The following PRR16 variants were observed in gnomAD, a reference collection of about 807,000 sequenced individuals.
PRR16 encodes protein Largen.
A neutral mutation model predicts 18.2 loss-of-function variants in PRR16; 6 were observed. The ratio of observed to expected loss-of-function variants is 0.33; its 90% confidence interval spans 0.18 to 0.65. The LOEUF is 0.65. Ranked by LOEUF, PRR16 falls within the 30% of genes least tolerant of loss-of-function variation. The pLI, the probability that PRR16 is intolerant of heterozygous loss-of-function variation, is 0.74. For missense variants in PRR16, 412 were observed against 376.6 expected, an observed-to-expected ratio of 1.09 and a Z score of -0.78; for synonymous variants, 151 against 147.8, an observed-to-expected ratio of 1.02 and a Z score of -0.16.
At chr5:120,754,282 A>AAAAT in the PRR16 span, among the ~76,000 whole-genome samples, 6 of 94,790 alleles carry the variant, frequency 6.3e-5, no homozygotes, top group African/African-American at 2.7e-4. Flanking sequence ...AATAATATAT[A>AAAAT]AATATATAAT....
chr5:120,698,538 G>A, the PRR16 span, among the ~76,000 whole-genome samples: 1 of 119,686 alleles, frequency 8.4e-6, no homozygotes, highest in African/African-American at 3.3e-5. Context: ...GCATGTATGA[G>A]TAGTTGAGAA....
At chr5:120,649,856 A>G (rs1755715311) in intron 1 of PRR16, among the ~76,000 whole-genome samples, 1 of 152,126 alleles carries the variant, frequency 6.6e-6, no homozygotes, top group South Asian at 2.1e-4. Context: ...ATTAAATTAT[A>G]TAACTTATAT....
chr5:120,627,764 C>A (rs940408403), intron 1 of PRR16, among the ~76,000 whole-genome samples: 1 of 152,066 alleles, frequency 6.6e-6, no homozygotes, highest in African/African-American at 2.4e-5. Flanking sequence ...ATTCTTCCCC[C>A]AAAATATTCT....
the PRR16 span, among the ~76,000 whole-genome samples, chr5:120,763,175 C>T: frequency 3.6e-4 from 54 of 151,628 alleles, no homozygotes; most frequent in African/African-American, 1.2e-3. Flanking sequence ...GAGGCAGTGT[C>T]TCACTCTGTC....
At chr5:120,779,573 C>A in the PRR16 span, among the ~76,000 whole-genome samples, 3 of 151,952 alleles carry the variant, frequency 2.0e-5, no homozygotes, top group East Asian at 5.8e-4. Context: ...TTTCTGTGTT[C>A]GTGCAAAATG....
intron 1 of PRR16, among the ~76,000 whole-genome samples, chr5:120,615,486 GT>G (rs1235700041): frequency 6.8e-6 from 1 of 147,128 alleles, no homozygotes; most frequent in Non-Finnish European, 1.5e-5. Context: ...AGAAAATAGT[GT>G]TTGCCATTTT....
chr5:120,628,019 A>G (rs1050071376), intron 1 of PRR16, among the ~76,000 whole-genome samples: 2 of 152,026 alleles, frequency 1.3e-5, no homozygotes, highest in African/African-American at 4.8e-5. Flanking sequence ...TGGTGAATGT[A>G]TTGCTTCTTT....
chr5:120,490,760 GT>G (rs58940487), intron 1 of PRR16, among the ~76,000 whole-genome samples: 149,437 of 152,200 alleles, frequency 0.98, 73,368 homozygotes, highest in East Asian at 1. Context: ...TTTCTGCTCT[GT>G]TTTTTTCCCC....
chr5:120,649,812 G>C (rs921163815), intron 1 of PRR16, among the ~76,000 whole-genome samples: 8 of 151,936 alleles, frequency 5.3e-5, no homozygotes, highest in Non-Finnish European at 8.8e-5. Context: ...GTAGTATCTT[G>C]CTTATTATAT....
intron 1 of PRR16, among the ~76,000 whole-genome samples, chr5:120,578,367 T>C (rs1359184838): frequency 1.3e-5 from 2 of 152,100 alleles, no homozygotes; most frequent in African/African-American, 4.8e-5. Context: ...TTGCTGCACC[T>C]ATTGACCTGT....
At chr5:120,608,260 T>C (rs1754221174) in intron 1 of PRR16, among the ~76,000 whole-genome samples, 1 of 152,296 alleles carries the variant, frequency 6.6e-6, no homozygotes, top group Non-Finnish European at 1.5e-5. Context: ...TTTTCGTTGC[T>C]CTTGGCCTTT....
chr5:120,791,596 T>TATCTATCTA, the PRR16 span, among the ~76,000 whole-genome samples: 3 of 71,154 alleles, frequency 4.2e-5, no homozygotes, highest in Non-Finnish European at 1.1e-4. Context: ...TCTATCTATC[T>TATCTATCTA]ATCTATCTAT....
intron 1 of PRR16, among the ~76,000 whole-genome samples, chr5:120,518,543 A>T (rs914450468): frequency 5.3e-5 from 8 of 151,314 alleles, no homozygotes; most frequent in African/African-American, 1.9e-4. Context: ...TTGTGAGTTG[A>T]AAGGCTATCC....
chr5:120,712,116 C>A, the PRR16 span, among the ~76,000 whole-genome samples: 4 of 152,082 alleles, frequency 2.6e-5, no homozygotes, highest in African/African-American at 9.7e-5. Context: ...TTGAGGTATA[C>A]AACATGATGT....
chr5:120,663,765 C>T (rs188760154), intron 1 of PRR16, among the ~76,000 whole-genome samples: 43 of 152,162 alleles, frequency 2.8e-4, no homozygotes, highest in Admixed American at 5.2e-4. Context: ...TTCCTTTAGA[C>T]AGTTGAGTCT....
intron 1 of PRR16, among the ~76,000 whole-genome samples, chr5:120,597,165 A>G (rs1257347202): frequency 6.6e-6 from 1 of 151,660 alleles, no homozygotes; most frequent in Non-Finnish European, 1.5e-5. Flanking sequence ...ACATTGATTT[A>G]TAGAAGACTT....
the PRR16 span, among the ~76,000 whole-genome samples, chr5:120,716,176 A>G: frequency 6.6e-6 from 1 of 152,128 alleles, no homozygotes; most frequent in African/African-American, 2.4e-5. Context: ...ACATATATTT[A>G]TTGGGGTCTT....
At chr5:120,712,766 C>T in the PRR16 span, among the ~76,000 whole-genome samples, 1 of 152,042 alleles carries the variant, frequency 6.6e-6, no homozygotes, top group African/African-American at 2.4e-5. Context: ...ATCAAAACCA[C>T]AATGAGTTAT....
At chr5:120,480,193 T>C in intron 1 of PRR16, among the ~76,000 whole-genome samples, 1 of 152,164 alleles carries the variant, frequency 6.6e-6, no homozygotes, top group East Asian at 1.9e-4. Context: ...GAGAATTGCT[T>C]GAACCTGGGA....
Sources: gnomAD v4.1 joint callset for allele counts (sites outside exome capture counted in the v4.1 genomes callset) on GRCh38, gnomAD v4.1.1 for gene constraint, MANE v1.5 for transcripts, NCBI Gene and HGNC (gene_info 2026-07-23, HGNC 2026-07-21) for gene names.